DSCAML1: variants seen among roughly 807,000 people sequenced by gnomAD.
DSCAML1 encodes the protein cell adhesion molecule DSCAML1.
Under a neutral mutation model 200.5 loss-of-function variants are expected in DSCAML1, and 38 were observed. The ratio of observed to expected loss-of-function variants is 0.19; its 90% confidence interval spans 0.15 to 0.25. DSCAML1 has a LOEUF of 0.25. DSCAML1 is among the 10% of genes least tolerant of loss of function. DSCAML1 has a pLI of 1.00. For synonymous variants in DSCAML1, 1,215 were observed against 1,165.0 expected (o/e 1.04, Z -0.87); for missense variants, 2,223 against 2,858.8 (o/e 0.78, Z 5.07).
chr11:117,691,126 G>A, intron 3 of DSCAML1, among the ~76,000 whole-genome samples: 1 of 152,202 alleles, frequency 6.6e-6, no homozygotes, highest in Non-Finnish European at 1.5e-5. Flanking sequence ...AGCATTTAGG[G>A]TGATAATGAG....
Position 117,428,547 on chromosome 11 carries a change from G to T in DSCAML1, c.5943C>A (p.Ala1981=), listed in dbSNP as rs558725278. ...QRTLAMPAPP[A]GTAPPAPGPT... is the part of the protein sequence containing the mutation. ...GGCCGGGGGCTGGGGGGGCTGTGCC[G>T]GCTGGGGGGGCTGGCATGGCCAGAG... The change falls in exon 33 of 33, where the codon GCC becomes GCA. Residue 1981 remains alanine (A), a synonymous_variant. Transcript: ENST00000651296. The T allele has an allele frequency of 1.3e-6, 2 of 1,534,874 alleles. No individual in the cohort carries two copies. The highest frequency in any genetic ancestry group is 1.8e-6 in the Non-Finnish European group (2 of 1,135,124).
intron 2 of DSCAML1, among the ~76,000 whole-genome samples, chr11:117,779,344 C>G (rs1292417775): frequency 1.2e-4 from 19 of 152,070 alleles, no homozygotes; most frequent in African/African-American, 4.6e-4. Flanking sequence ...CTTAGCTGTC[C>G]CCTTGGCCTC....
At chr11:117,452,196 T>C (rs1183339564) in intron 19 of DSCAML1, among the ~76,000 whole-genome samples, 4 of 152,248 alleles carry the variant, frequency 2.6e-5, no homozygotes, top group Non-Finnish European at 4.4e-5. Flanking sequence ...CTATCAGTTA[T>C]TGAACGAGGT....
chr11:117,786,577 A>G (rs1052177812), intron 1 of DSCAML1, among the ~76,000 whole-genome samples: 3 of 151,892 alleles, frequency 2.0e-5, no homozygotes, highest in East Asian at 3.9e-4. Context: ...CAGGGCTCCC[A>G]CCCCACCTGC....
At chr11:117,537,795 G>A (rs1484047705) in intron 3 of DSCAML1, among the ~76,000 whole-genome samples, 2 of 152,180 alleles carry the variant, frequency 1.3e-5, no homozygotes, top group African/African-American at 4.8e-5. Context: ...GAAACGCAAG[G>A]ATTGCCAGCA....
At chr11:117,490,537 C>T (rs1343444486) in intron 11 of DSCAML1, among the ~76,000 whole-genome samples, 1 of 152,236 alleles carries the variant, frequency 6.6e-6, no homozygotes. Context: ...TGGGGTCCAA[C>T]TTAATAAGCT....
intron 3 of DSCAML1, among the ~76,000 whole-genome samples, chr11:117,545,237 ACAC>A (rs1565779390): frequency 1.5e-4 from 15 of 99,758 alleles, no homozygotes; most frequent in Middle Eastern, 0.011. Flanking sequence ...AAAAAAAAAC[ACAC>A]ACACACACAC....
At position 117,780,933 on chromosome 11, in the gene DSCAML1, T is replaced by G. The variant is rs2055246166; in HGVS notation, c.47-123A>C. On this transcript the variant is annotated intron_variant, in intron 1 of 32. Transcript: ENST00000651296. This position sits in a 1 kb window ranked among gnomAD's most constrained non-coding sequence, Gnocchi z 4.8. ...ACCTTCAAGCATCAGTCATTCAGTATGCACTTATTGAGCACTGACTATACA... is the reference window on the plus strand; with the variant it reads ...ACCTTCAAGCATCAGTCATTCAGTAGGCACTTATTGAGCACTGACTATACA... 1.4e-6 allele frequency: 1 copy of G among 713,118 alleles called. No homozygotes were observed. The highest frequency in any genetic ancestry group is 2.0e-6 in the Non-Finnish European group (1 of 488,690). 44.2% of individuals were successfully genotyped at this position (713,118 alleles called of 1,614,324 possible). A position where few individuals can be genotyped will look rare whatever the true frequency, so the allele number is the denominator to read the frequency against.
chr11:117,701,484 A>G (rs550394148), intron 3 of DSCAML1, among the ~76,000 whole-genome samples: 1 of 152,266 alleles, frequency 6.6e-6, no homozygotes, highest in East Asian at 1.9e-4. Context: ...AATATTTGCC[A>G]CTGAGCTCAG....
At chr11:117,665,889 T>C (rs2052964762) in intron 3 of DSCAML1, among the ~76,000 whole-genome samples, 1 of 152,202 alleles carries the variant, frequency 6.6e-6, no homozygotes, top group Non-Finnish European at 1.5e-5. Flanking sequence ...AACCTCCTCA[T>C]TTCCCAGATG....
intron 3 of DSCAML1, among the ~76,000 whole-genome samples, chr11:117,776,474 C>T (rs181740343): frequency 8.7e-4 from 133 of 152,186 alleles, no homozygotes; most frequent in African/African-American, 3.0e-3. Context: ...CCTCCCGTCC[C>T]TCAGGGCTGG....
At position 117,780,296 on chromosome 11, in the gene DSCAML1, G is replaced by A. The variant is rs1290144585; in HGVS notation, c.364+197C>T. Reference sequence around the variant, plus strand: ...AGAAAGAAAGAAAGAAAGAAAGAAAGAAAGAAAGAGAGAAAGGAGAAAGAA... The same window carrying A: ...AGAAAGAAAGAAAGAAAGAAAGAAAAAAAGAAAGAGAGAAAGGAGAAAGAA... On this transcript the variant is annotated intron_variant, in intron 2 of 32. Coordinates refer to ENST00000651296, the MANE Select transcript of DSCAML1 (RefSeq NM_020693.4). This position sits in a 1 kb window ranked among gnomAD's most constrained non-coding sequence, Gnocchi z 4.8. 6.5e-4 allele frequency among the ~76,000 whole-genome samples: 70 copies of A among 106,892 alleles called. No individual in the cohort carries two copies. The highest frequency in any genetic ancestry group is 6.3e-3 in the Admixed American group (70 of 11,028). The allele number at this position is 106,892 out of a possible 152,430, so 70.1% of individuals were successfully genotyped here.
chr11:117,531,970 C>T (rs1459938228), intron 4 of DSCAML1, among the ~76,000 whole-genome samples: 4 of 135,642 alleles, frequency 2.9e-5, no homozygotes, highest in African/African-American at 5.7e-5. Flanking sequence ...GAGGGAGGGA[C>T]GAAATAAAGA....
Position 117,430,789 on chromosome 11 carries a change from T to C in DSCAML1, c.5619A>G (p.Pro1873=), listed in dbSNP as rs2047772278. 6.2e-7 allele frequency: 1 copy of C among 1,613,834 alleles called. No individual in the cohort carries two copies. Among genetic ancestry groups the C allele is most frequent in the Non-Finnish European group, 8.5e-7 (1 of 1,179,964 alleles). ...CCCGGTCCGCATCCTGGGGCTTGGG[T>C]GGTGAGGCGGTAAAGCGGCAGATGC... is the stretch of plus-strand genomic sequence containing the variant. ...EPGICRFTAS[P]PKPQDADRGK... Residue 1873 remains proline (P), a synonymous_variant, in exon 32 of 33, where the codon CCA becomes CCG. Transcript: ENST00000651296.
At chr11:117,717,058 G>A (rs968221859) in intron 3 of DSCAML1, among the ~76,000 whole-genome samples, 3 of 152,292 alleles carry the variant, frequency 2.0e-5, no homozygotes, top group South Asian at 2.1e-4. Context: ...TTGGGAGGGC[G>A]CAGGCCTTTC....
chr11:117,629,814 G>T (rs771872702), intron 3 of DSCAML1, among the ~76,000 whole-genome samples: 1 of 152,134 alleles, frequency 6.6e-6, no homozygotes, highest in Non-Finnish European at 1.5e-5. Context: ...CTGGGCAATA[G>T]ATCAAGACCC....
intron 3 of DSCAML1, among the ~76,000 whole-genome samples, chr11:117,589,285 C>T (rs373238183): frequency 2.6e-5 from 4 of 152,190 alleles, no homozygotes; most frequent in African/African-American, 9.7e-5. Context: ...CGGTTGGATT[C>T]GATGCACGGG....
At chr11:117,641,940 G>A (rs572800892) in intron 3 of DSCAML1, among the ~76,000 whole-genome samples, 1 of 152,244 alleles carries the variant, frequency 6.6e-6, no homozygotes, top group South Asian at 2.1e-4. Context: ...GGACCTCATG[G>A]TACACACCTG....
At chr11:117,663,645 C>T (rs2137650912) in intron 3 of DSCAML1, among the ~76,000 whole-genome samples, 1 of 151,290 alleles carries the variant, frequency 6.6e-6, no homozygotes, top group East Asian at 2.0e-4. Flanking sequence ...AGAACTTCCC[C>T]TCCCCCTGCC....
Sources: gnomAD v4.1 joint callset for allele counts (sites outside exome capture counted in the v4.1 genomes callset) on GRCh38, gnomAD v4.1.1 for gene constraint, Gnocchi (gnomAD v3.1) non-coding constraint, MANE v1.5 for transcripts, NCBI Gene and HGNC (gene_info 2026-07-23, HGNC 2026-07-21) for gene names.